Variants in CIT observed in about 807,000 individuals in gnomAD.
CIT encodes the protein citron rho-interacting serine/threonine kinase.
A neutral mutation model predicts 272.7 loss-of-function variants in CIT; 79 were observed. The ratio of observed to expected loss-of-function variants is 0.29; its 90% confidence interval spans 0.24 to 0.35. CIT has a LOEUF of 0.35. Among genes scored for constraint, CIT ranks in the 10% least tolerant of loss-of-function variants. CIT has a pLI of 1.00. For synonymous variants in CIT, 948 were observed against 995.6 expected (o/e 0.95, Z 0.90); for missense variants, 1,909 against 2,618.3 (o/e 0.73, Z 5.91).
Position 119,728,678 on chromosome 12 carries a change from C to A in CIT, c.3487-72G>T. 1.0e-6 allele frequency: 1 copy of A among 999,432 alleles called. No homozygotes were observed. The highest frequency in any genetic ancestry group is 1.5e-6 in the Non-Finnish European group (1 of 651,990). The allele number at this position is 999,432 out of a possible 1,614,324, so 61.9% of individuals were successfully genotyped here. A position where few individuals can be genotyped will look rare whatever the true frequency, so the allele number is the denominator to read the frequency against. On this transcript the variant is annotated intron_variant, in intron 27 of 47. Coordinates refer to ENST00000392521, the MANE Select transcript of CIT (RefSeq NM_001206999.2). This position sits in a 1 kb window ranked among gnomAD's most constrained non-coding sequence, Gnocchi z 4.3. ...GATGCTGACAACGTTTATGAATGTC[C>A]ACGAACCTTCACGGAGAAAGAATAT...
chr12:119,836,211 C>T (rs1266802171), intron 5 of CIT, among the ~76,000 whole-genome samples: 3 of 141,390 alleles, frequency 2.1e-5, no homozygotes, highest in East Asian at 2.3e-4. Flanking sequence ...CACTTGAACC[C>T]GGGAGGCAGA....
intron 4 of CIT, among the ~76,000 whole-genome samples, chr12:119,852,671 A>T (rs750971194): frequency 6.6e-6 from 1 of 151,910 alleles, no homozygotes; most frequent in Non-Finnish European, 1.5e-5. Context: ...ACTGCACTCT[A>T]GCCTGGGTGA....
intron 10 of CIT, among the ~76,000 whole-genome samples, chr12:119,798,267 C>G (rs1286958673): frequency 6.6e-6 from 1 of 152,210 alleles, no homozygotes; most frequent in Non-Finnish European, 1.5e-5. Flanking sequence ...TCGTGATTCT[C>G]TACAAATAGC....
chr12:119,833,865 A>G (rs1016172378), intron 6 of CIT, among the ~76,000 whole-genome samples: 1 of 152,174 alleles, frequency 6.6e-6, no homozygotes, highest in African/African-American at 2.4e-5. Flanking sequence ...AGCAAACTTG[A>G]GCACATTACA....
Position 119,776,807 on chromosome 12 carries a change from C to G in CIT, c.1701G>C (p.Met567Ile), listed in dbSNP as rs1165359195. Residue 567 changes from methionine (M) to isoleucine (I), a missense_variant, in exon 14 of 48, where the codon ATG becomes ATC. Physicochemically the swap from Met to Ile is conservative, Grantham distance 10 (BLOSUM62 1). Around this residue, in one of 8 missense-constraint regions of CIT, gnomAD observed 530 missense variants for 822.4 expected, o/e 0.64. Transcript: ENST00000392521. ...CAAGATCCTCTTCCAACTGATTCAT[C>G]ATCAACCTCATTTCTTCCACTTGAG... ...YQAQVEEMRL[M>I]MNQLEEDLVS... 1 of 1,614,078 alleles carries G rather than the reference C, an allele frequency of 6.2e-7. No individual in the cohort carries two copies. Among genetic ancestry groups the G allele is most frequent in the East Asian group, 2.2e-5 (1 of 44,878 alleles).
At chr12:119,700,202 T>C (rs1458221919) in intron 44 of CIT, among the ~76,000 whole-genome samples, 5 of 152,232 alleles carry the variant, frequency 3.3e-5, no homozygotes. Flanking sequence ...CTAGCAAATA[T>C]TTCCCAGGGC....
chr12:119,709,787 A>AGTGTGTGTGTGTGT (rs150206566), intron 39 of CIT, among the ~76,000 whole-genome samples: 1 of 107,634 alleles, frequency 9.3e-6, no homozygotes, highest in Non-Finnish European at 1.9e-5. Flanking sequence ...AGAGAGAGAG[A>AGTGTGTGTGTGTGT]GTGTGTGTGT....
At chr12:119,788,055 CAG>C (rs1299124950) in intron 10 of CIT, among the ~76,000 whole-genome samples, 4 of 152,154 alleles carry the variant, frequency 2.6e-5, no homozygotes, top group African/African-American at 7.2e-5. Context: ...TGGTAAAACT[CAG>C]GGGGCTGAAT....
chr12:119,869,803 C>T (rs777973871), intron 2 of CIT, among the ~76,000 whole-genome samples: 13 of 152,026 alleles, frequency 8.6e-5, no homozygotes, highest in East Asian at 3.8e-4. Context: ...AGATTCCATA[C>T]AAAAAAATAA....
chr12:119,797,294 T>C (rs1965807599), intron 10 of CIT, among the ~76,000 whole-genome samples: 1 of 152,228 alleles, frequency 6.6e-6, no homozygotes, highest in Non-Finnish European at 1.5e-5. Context: ...AAGGTATCTT[T>C]AAGACAAATG....
intron 44 of CIT, among the ~76,000 whole-genome samples, chr12:119,698,819 G>T (rs1224160133): frequency 6.6e-6 from 1 of 152,150 alleles, no homozygotes; most frequent in Non-Finnish European, 1.5e-5. Flanking sequence ...AGTACTGGAA[G>T]GACAAGAAAC....
rs374437974 is a variant in CIT, at chr12:119,714,278, C to T, written c.4225G>A (p.Val1409Ile). 15 of 1,613,956 alleles carry T rather than the reference C, an allele frequency of 9.3e-6. No homozygotes were observed. The highest frequency in any genetic ancestry group is 6.7e-5 in the African/African-American group (5 of 74,880). ...TTTGTGGCTCGCATGTTCAGTCCTA[C>T]GTTGAATCGGTGAGGAATATTGTGG... The part of the protein sequence containing the change: ...MHHNIPHRFN[V>I]GLNMRATKCA... The change falls in exon 33 of 48, where the codon GTA becomes ATA. Residue 1409 changes from valine to isoleucine, a missense_variant. This residue lies in a region of CIT where 780 missense variants were observed against 1,067.2 expected (regional missense o/e 0.73). Transcript: ENST00000392521.
rs1260650011 is a variant in CIT at position 119,686,939 on chromosome 12, T to G, written c.*1293A>C. Reference sequence around the variant, plus strand: ...GTCTAGCCCTAGGGAAAGGCTCATTTGGAAAGTCACAGTTTCGTGGGGTAG... The same window carrying G: ...GTCTAGCCCTAGGGAAAGGCTCATTGGGAAAGTCACAGTTTCGTGGGGTAG... On this transcript the variant is annotated 3_prime_UTR_variant, in exon 48 of 48. Coordinates refer to ENST00000392521, the MANE Select transcript of CIT (RefSeq NM_001206999.2). 1 of 152,702 alleles carries G rather than the reference T, an allele frequency of 6.5e-6. No homozygotes were observed. The highest frequency in any genetic ancestry group is 1.5e-5 in the Non-Finnish European group (1 of 68,082). 9.5% of individuals were successfully genotyped at this position (152,702 alleles called of 1,614,324 possible). A position where few individuals can be genotyped will look rare whatever the true frequency, so the allele number is the denominator to read the frequency against.
chr12:119,705,155 C>T (rs1474923148), intron 40 of CIT, among the ~76,000 whole-genome samples: 2 of 152,146 alleles, frequency 1.3e-5, no homozygotes, highest in Admixed American at 6.5e-5. Context: ...TCAAGTGATC[C>T]GCCTGCCTCG....
In CIT at chr12:119,694,738, C is replaced by T. The variant is rs1282012554; in HGVS notation, c.5882+2921G>A. On this transcript the variant is annotated intron_variant, in intron 46 of 47. Transcript: ENST00000392521. This position sits in a 1 kb window ranked among gnomAD's most constrained non-coding sequence, Gnocchi z 4.5. ...CGGGGGCTCTCTTGAGCCCAGGAGG[C>T]GGAGGTTGCAGTGAGCCGAGATCAC... Among the ~76,000 whole-genome samples, 2 of 151,712 alleles carry T rather than the reference C, an allele frequency of 1.3e-5. No individual in the cohort carries two copies. Among genetic ancestry groups the T allele is most frequent in the East Asian group, 1.9e-4 (1 of 5,166 alleles).
chr12:119,808,049 A>G (rs1966709438), intron 9 of CIT, among the ~76,000 whole-genome samples: 1 of 152,030 alleles, frequency 6.6e-6, no homozygotes, highest in Non-Finnish European at 1.5e-5. Flanking sequence ...TTTTTGTTTC[A>G]GTTATAAAAT....
chr12:119,808,453 C>T (rs924811564), intron 9 of CIT, among the ~76,000 whole-genome samples: 2 of 151,946 alleles, frequency 1.3e-5, no homozygotes, highest in Non-Finnish European at 2.9e-5. Flanking sequence ...TTCCACGCAA[C>T]ATACCACTTC....
chr12:119,703,068 C>G (rs1200243628), intron 41 of CIT, among the ~76,000 whole-genome samples: 1 of 152,164 alleles, frequency 6.6e-6, no homozygotes, highest in Non-Finnish European at 1.5e-5. Context: ...AGTTCAAATT[C>G]TAGTGAGCAT....
At chr12:119,731,056 G>A (rs577562025) in intron 26 of CIT, among the ~76,000 whole-genome samples, 1 of 151,660 alleles carries the variant, frequency 6.6e-6, no homozygotes, top group Admixed American at 6.6e-5. Context: ...GAACCCAGGA[G>A]GTGGAAGTTG....
Sources: allele counts gnomAD v4.1 joint callset (sites outside exome capture counted in the v4.1 genomes callset), GRCh38; gene constraint gnomAD v4.1.1; regional missense constraint gnomAD v4.1.1; non-coding constraint Gnocchi (gnomAD v3.1); transcripts MANE v1.5; gene names NCBI Gene and HGNC (gene_info 2026-07-23, HGNC 2026-07-21).